Variants in KIAA0513 observed in about 807,000 individuals in gnomAD.
KIAA0513 encodes the protein KIAA0513.
A neutral mutation model predicts 56.5 loss-of-function variants in KIAA0513; 39 were observed. That is an observed-to-expected ratio of 0.69 (90% CI 0.53 to 0.90). The LOEUF (loss-of-function observed/expected upper bound fraction) is 0.90, where lower values mean the gene tolerates loss of function less well. Among genes scored for constraint, KIAA0513 ranks in the 40% least tolerant of loss-of-function variants. The probability of loss-of-function intolerance (pLI) is 0.00; values close to 1 mark genes in which losing one functional copy is unlikely to be tolerated. For synonymous variants in KIAA0513, 268 were observed against 215.6 expected, an observed-to-expected ratio of 1.24 and a Z score of -2.13; for missense variants, 591 against 535.2, an observed-to-expected ratio of 1.10 and a Z score of -1.03.
chr16:85,050,234 C>G (rs1667990699), intron 1 of KIAA0513, among the ~76,000 whole-genome samples: 1 of 152,042 alleles, frequency 6.6e-6, no homozygotes, highest in African/African-American at 2.4e-5. Flanking sequence ...AATCCAGGTG[C>G]TTGTGTGAGG....
chr16:85,078,795 G>A (rs967757537), intron 7 of KIAA0513, 130 bp from the exon 8 acceptor site: 20 of 980,008 alleles, frequency 2.0e-5, no homozygotes, highest in South Asian at 4.3e-5. Context: ...GAAAAGCCAC[G>A]GTGGGGTTTG....
At chr16:85,068,059 C>T (rs2073515589) in intron 2 of KIAA0513, among the ~76,000 whole-genome samples, 1 of 152,168 alleles carries the variant, frequency 6.6e-6, no homozygotes, top group Non-Finnish European at 1.5e-5. Context: ...GATCCACCCG[C>T]CTCAGCCTCC....
intron 1 of KIAA0513, among the ~76,000 whole-genome samples, chr16:85,044,338 G>C (rs2143881567): frequency 6.6e-6 from 1 of 152,194 alleles, no homozygotes; most frequent in East Asian, 1.9e-4. Flanking sequence ...ATCTAGGGCA[G>C]GTCACAGCAT....
At chr16:85,058,958 G>T (rs998395554) in intron 1 of KIAA0513, among the ~76,000 whole-genome samples, 2 of 152,178 alleles carry the variant, frequency 1.3e-5, no homozygotes, top group Non-Finnish European at 2.9e-5. Flanking sequence ...AATGAATTTG[G>T]TTGATTCCAC....
chr16:85,086,653 G>A lies in KIAA0513; in HGVS notation c.1020G>A (p.Trp340Ter). The A allele has an allele frequency of 6.2e-7, 1 of 1,613,844 alleles. No individual in the cohort carries two copies. Among genetic ancestry groups the A allele is most frequent in the Non-Finnish European group, 8.5e-7 (1 of 1,180,000 alleles). The stretch of plus-strand genomic sequence containing the variant: ...CCTCCTGTGCTTGCAGGGAGAAGTG[G>A]TGCCACATGACCCAGGAGGAGCGCG... The part of the protein sequence containing the change: ...AGEEEEKREK[W>*]CHMTQEERDD... Residue 340 changes from tryptophan (W) to a stop codon, truncating the protein, a stop_gained, in exon 11 of 13, where the codon TGG becomes TGA. Coordinates refer to ENST00000683363, the MANE Select transcript of KIAA0513 (RefSeq NM_001388359.1). LOFTEE classifies it high-confidence loss of function.
At chr16:85,028,351 G>A (rs2072917496) in intron 1 of KIAA0513, among the ~76,000 whole-genome samples, 1 of 152,160 alleles carries the variant, frequency 6.6e-6, no homozygotes, top group Non-Finnish European at 1.5e-5. Flanking sequence ...TGCGGGGTGT[G>A]AAGTTGCTGC....
chr16:85,080,473 C>T (rs989001430), intron 8 of KIAA0513, among the ~76,000 whole-genome samples: 2 of 152,168 alleles, frequency 1.3e-5, no homozygotes, highest in African/African-American at 4.8e-5. Context: ...TACACACCAT[C>T]GTTTGCCAAC....
intron 1 of KIAA0513, among the ~76,000 whole-genome samples, chr16:85,029,461 C>T (rs771631032): frequency 1.3e-5 from 2 of 152,232 alleles, no homozygotes; most frequent in Non-Finnish European, 2.9e-5. Context: ...GCTGCCAAAT[C>T]CCAGAAAGTG....
chr16:85,053,319 A>T (rs920152041), intron 1 of KIAA0513, among the ~76,000 whole-genome samples: 1 of 152,268 alleles, frequency 6.6e-6, no homozygotes, highest in Non-Finnish European at 1.5e-5. Context: ...TGAATTTCCC[A>T]GCCAGAGGCA....
At chr16:85,086,993 T>G in intron 11 of KIAA0513, 79 bp from the exon 12 acceptor site, 1 of 1,363,844 alleles carries the variant, frequency 7.3e-7, no homozygotes. Context: ...ATGGTGGGCG[T>G]CCCAGAGACA....
chr16:85,073,842 C>T (rs908402347), intron 4 of KIAA0513, among the ~76,000 whole-genome samples: 4 of 152,210 alleles, frequency 2.6e-5, no homozygotes, highest in Non-Finnish European at 4.4e-5. Flanking sequence ...CTCATCCCAT[C>T]GCCACCTTCT....
chr16:85,031,715 C>G (rs1340562604), intron 1 of KIAA0513, among the ~76,000 whole-genome samples: 2 of 152,184 alleles, frequency 1.3e-5, no homozygotes, highest in East Asian at 1.9e-4. Context: ...CTTTCCATGG[C>G]CAGCTTCCTG....
intron 1 of KIAA0513, among the ~76,000 whole-genome samples, chr16:85,059,792 G>A (rs2073378628): frequency 6.6e-6 from 1 of 152,212 alleles, no homozygotes; most frequent in Admixed American, 6.5e-5. Flanking sequence ...GAGCTGGGAG[G>A]ACCATAACCT....
rs2144063437 is a variant in KIAA0513, at chr16:85,076,859, C to G, written c.575-566C>G. ...CTGCTTCCTGAGACAGGGCCACCCA[C>G]AGCAGCTTCAGCTAGCGAGGACACC... On this transcript the variant is annotated intron_variant, in intron 5 of 12. Coordinates refer to ENST00000683363, the MANE Select transcript of KIAA0513 (RefSeq NM_001388359.1). This position sits in a 1 kb window ranked among gnomAD's most constrained non-coding sequence, Gnocchi z 4.7. Among the ~76,000 whole-genome samples, 1 of 152,326 alleles carries G rather than the reference C, an allele frequency of 6.6e-6. No individual in the cohort carries two copies. The highest frequency in any genetic ancestry group is 1.9e-4 in the East Asian group (1 of 5,180).
chr16:85,085,843 C>G (rs1046790284), intron 10 of KIAA0513, among the ~76,000 whole-genome samples: 2 of 152,234 alleles, frequency 1.3e-5, no homozygotes, highest in Admixed American at 1.3e-4. Context: ...TCCTGAAGCT[C>G]GTGCAAACCT....
intron 1 of KIAA0513, among the ~76,000 whole-genome samples, chr16:85,038,722 AATAATAATAAT>A (rs1441688586): frequency 7.6e-6 from 1 of 131,054 alleles, no homozygotes; most frequent in Non-Finnish European, 1.6e-5. Context: ...AAAAAAAAAA[AATAATAATAAT>A]AATATCTTTG....
chr16:85,088,088 G>A lies in KIAA0513; in HGVS notation c.1187-188G>A, dbSNP rs1372229272. Among the ~76,000 whole-genome samples, 7 of 152,270 alleles carry A rather than the reference G, an allele frequency of 4.6e-5. No individual in the cohort carries two copies. The East Asian group carries it at 1.2e-3, about 25-fold the overall frequency. On this transcript the variant is annotated intron_variant, in intron 12 of 12. Coordinates refer to ENST00000683363, the MANE Select transcript of KIAA0513 (RefSeq NM_001388359.1). ...CTGGCCAAGAGGCTGTGTGTGCAATGCGCCCTCATGGCACAGCCCTGCCCT... is the reference window on the plus strand; with the variant it reads ...CTGGCCAAGAGGCTGTGTGTGCAATACGCCCTCATGGCACAGCCCTGCCCT...
chr16:85,047,191 C>G (rs567450132), intron 1 of KIAA0513, among the ~76,000 whole-genome samples: 1 of 152,340 alleles, frequency 6.6e-6, no homozygotes, highest in South Asian at 2.1e-4. Context: ...GATCTGTCCA[C>G]TATGTAGCAC....
rs369600388 is a variant in KIAA0513, at chr16:85,053,174, C to G, written c.-172-13726C>G. ...AAAGTGCTGGGATTACAGGCGTGAG[C>G]CACCACGCCCGACCTGGATCAAATT... On this transcript the variant is annotated intron_variant, in intron 1 of 12. Coordinates refer to ENST00000683363, the MANE Select transcript of KIAA0513 (RefSeq NM_001388359.1). 4.6e-5 allele frequency among the ~76,000 whole-genome samples: 7 copies of G among 152,306 alleles called. No homozygotes were observed. The East Asian group carries it at 7.7e-4, about 17-fold the overall frequency.
Sources: gnomAD v4.1 joint callset for allele counts (sites outside exome capture counted in the v4.1 genomes callset) on GRCh38, gnomAD v4.1.1 for gene constraint, Gnocchi (gnomAD v3.1) non-coding constraint, MANE v1.5 for transcripts, NCBI Gene and HGNC (gene_info 2026-07-23, HGNC 2026-07-21) for gene names.